KAT6B: variants seen among roughly 807,000 people sequenced by gnomAD.
KAT6B encodes the protein histone acetyltransferase KAT6B.
In KAT6B, 10 loss-of-function variants were observed where a neutral mutation model predicts 187.5. That is an observed-to-expected ratio of 0.05 (90% CI 0.03 to 0.09). The LOEUF (loss-of-function observed/expected upper bound fraction) is 0.09, where lower values mean the gene tolerates loss of function less well. KAT6B is among the 10% of genes least tolerant of loss of function. The pLI is 1.00. For synonymous variants in KAT6B, 861 were observed against 926.8 expected (o/e 0.93, Z 1.29); for missense variants, 1,952 against 2,558.9 (o/e 0.76, Z 5.12).
chr10:74,954,103 C>T (rs2133435487), intron 3 of KAT6B, among the ~76,000 whole-genome samples: 1 of 152,268 alleles, frequency 6.6e-6, no homozygotes, highest in East Asian at 1.9e-4. Context: ...AGTCCCAGAT[C>T]CCCAAATTGT....
intron 13 of KAT6B, among the ~76,000 whole-genome samples, chr10:74,996,522 G>A (rs1843439961): frequency 6.6e-6 from 1 of 152,204 alleles, no homozygotes; most frequent in African/African-American, 2.4e-5. Flanking sequence ...TGTAATCCCA[G>A]CACTGTGGGA....
At chr10:74,826,398 G>A (rs1589419394), upstream of KAT6B, among the ~76,000 whole-genome samples, 1 of 152,054 alleles carries the variant, frequency 6.6e-6, no homozygotes. Context: ...AGGGGGGGAT[G>A]ATGGGTCGAG....
intron 3 of KAT6B, among the ~76,000 whole-genome samples, chr10:74,894,473 A>G (rs867921516): frequency 9.2e-5 from 14 of 152,196 alleles, no homozygotes; most frequent in Non-Finnish European, 1.3e-4. Flanking sequence ...AGTGTGTAGT[A>G]TGGTAGTGTT....
chr10:74,944,537 G>T (rs571433740), intron 3 of KAT6B, among the ~76,000 whole-genome samples: 2 of 152,142 alleles, frequency 1.3e-5, no homozygotes, highest in Non-Finnish European at 2.9e-5. Flanking sequence ...TAGGCCGGGC[G>T]CGGTGGCTCA....
At chr10:74,943,045 T>G (rs557733548) in intron 3 of KAT6B, among the ~76,000 whole-genome samples, 2 of 152,162 alleles carry the variant, frequency 1.3e-5, no homozygotes, top group Admixed American at 6.5e-5. Flanking sequence ...GAACTAATAG[T>G]GTCTCTAGTT....
At chr10:74,895,962 T>TG (rs1165339821) in intron 3 of KAT6B, among the ~76,000 whole-genome samples, 25 of 151,688 alleles carry the variant, frequency 1.6e-4, no homozygotes, top group Middle Eastern at 3.4e-3. Flanking sequence ...TTGTTGTTGT[T>TG]TTTTTTTGCC....
At chr10:74,897,416 T>C (rs957134719) in intron 3 of KAT6B, among the ~76,000 whole-genome samples, 1 of 152,252 alleles carries the variant, frequency 6.6e-6, no homozygotes, top group African/African-American at 2.4e-5. Flanking sequence ...TGCACACTGC[T>C]GGACCTAGAG....
chr10:74,874,145 T>C (rs1273908292), intron 3 of KAT6B, among the ~76,000 whole-genome samples: 1 of 152,220 alleles, frequency 6.6e-6, no homozygotes, highest in Admixed American at 6.5e-5. Flanking sequence ...TAGGTCATGA[T>C]GTGAACGTAT....
At chr10:74,899,021 C>G (rs1445495673) in intron 3 of KAT6B, among the ~76,000 whole-genome samples, 1 of 121,302 alleles carries the variant, frequency 8.2e-6, no homozygotes, top group African/African-American at 4.6e-5. Context: ...AATAGCCGAG[C>G]ATGGTGGCAG....
chr10:74,996,911 A>G (rs1465592150), intron 13 of KAT6B, among the ~76,000 whole-genome samples: 2 of 152,170 alleles, frequency 1.3e-5, no homozygotes, highest in Admixed American at 6.5e-5. Flanking sequence ...TAGAACTTCT[A>G]TCTAGTAAAA....
intron 9 of KAT6B, 79 bp from the exon 10 acceptor site, chr10:74,979,145 T>G (rs111282657): frequency 8.6e-6 from 8 of 931,154 alleles, no homozygotes; most frequent in African/African-American, 8.2e-5. Flanking sequence ...CTTGATAAGT[T>G]TTGATAGTCA....
chr10:74,866,796 T>G (rs1453073074), intron 3 of KAT6B, among the ~76,000 whole-genome samples: 2 of 152,182 alleles, frequency 1.3e-5, no homozygotes, highest in Non-Finnish European at 2.9e-5. Context: ...AAAATGAGAC[T>G]TTCTTCTTGA....
chr10:74,826,916 C>T (rs570654601), intron 1 of KAT6B, 131 bp downstream of exon 1: 1 of 147,914 alleles, frequency 6.8e-6, no homozygotes, highest in Non-Finnish European at 1.5e-5. Flanking sequence ...CGGGGCCGCT[C>T]GGGGTCAGGC....
intron 3 of KAT6B, among the ~76,000 whole-genome samples, chr10:74,903,956 G>C (rs1242914918): frequency 6.6e-6 from 1 of 152,158 alleles, no homozygotes; most frequent in African/African-American, 2.4e-5. Context: ...ATGTTCCAGG[G>C]ACTGAGATAC....
chr10:75,030,661 G>A lies in KAT6B; in HGVS notation c.5837G>A (p.Arg1946His), dbSNP rs769743443. The change falls in exon 18 of 18, where the codon CGC (arginine) becomes CAC (histidine). Residue 1946 changes from arginine to histidine, a missense_variant. By Grantham distance (29) the Arg-to-His change is conservative. Coordinates refer to ENST00000287239, the MANE Select transcript of KAT6B (RefSeq NM_012330.4). This position sits in a 1 kb window ranked among gnomAD's most constrained non-coding sequence, Gnocchi z 4.8. ...AATHQSQIYG[R>H]SQTVAMQGPA... ...ACCCATCAGTCACAAATCTATGGGCGCTCCCAGACTGTAGCCATGCAGGGT... is the reference window on the plus strand; with the variant it reads ...ACCCATCAGTCACAAATCTATGGGCACTCCCAGACTGTAGCCATGCAGGGT... The A allele has an allele frequency of 3.6e-5, 58 of 1,614,056 alleles. No homozygotes were observed. The highest frequency in any genetic ancestry group is 8.9e-5 in the East Asian group (4 of 44,902).
intron 3 of KAT6B, among the ~76,000 whole-genome samples, chr10:74,908,549 C>CAAA (rs10715826): frequency 0.011 from 1,213 of 109,410 alleles, 24 homozygotes; most frequent in African/African-American, 0.036. Flanking sequence ...GACCCCGTCT[C>CAAA]AAAAAAAAAA....
At chr10:74,838,943 A>T (rs761461131) in intron 2 of KAT6B, among the ~76,000 whole-genome samples, 191 bp downstream of exon 2, 2 of 152,114 alleles carry the variant, frequency 1.3e-5, no homozygotes, top group African/African-American at 2.4e-5. Context: ...TCACGAGATC[A>T]GGAGTTTGAG....
chr10:74,832,047 A>G (rs551954909), intron 1 of KAT6B, among the ~76,000 whole-genome samples: 1 of 152,364 alleles, frequency 6.6e-6, no homozygotes, highest in East Asian at 1.9e-4. Flanking sequence ...AAAGCTAACT[A>G]TTGTGAAACT....
chr10:74,878,042 CA>C (rs1366486330), intron 3 of KAT6B, among the ~76,000 whole-genome samples: 16 of 152,262 alleles, frequency 1.1e-4, no homozygotes, highest in South Asian at 6.2e-4. Flanking sequence ...TCCAAGTAGG[CA>C]TTTCTCAGCC....
Sources: gnomAD v4.1 joint callset for allele counts (sites outside exome capture counted in the v4.1 genomes callset) on GRCh38, gnomAD v4.1.1 for gene constraint, Gnocchi (gnomAD v3.1) non-coding constraint, MANE v1.5 for transcripts, NCBI Gene and HGNC (gene_info 2026-07-23, HGNC 2026-07-21) for gene names.